L3MBTL2: variants seen among roughly 807,000 people sequenced by gnomAD.
L3MBTL2 encodes L3MBTL histone methyl-lysine binding protein 2.
In L3MBTL2, 49 loss-of-function variants were observed where a neutral mutation model predicts 86.4. That is an observed-to-expected ratio of 0.57 (90% CI 0.45 to 0.72). The LOEUF (loss-of-function observed/expected upper bound fraction) is 0.72. Among genes scored for constraint, L3MBTL2 ranks in the 30% least tolerant of loss-of-function variants. The pLI is 0.00. For synonymous variants in L3MBTL2, 336 were observed against 350.6 expected, an observed-to-expected ratio of 0.96 and a Z score of 0.47; for missense variants, 755 against 923.7, an observed-to-expected ratio of 0.82 and a Z score of 2.37.
intron 2 of L3MBTL2, among the ~76,000 whole-genome samples, chr22:41,211,296 G>T (rs2030759760): frequency 6.6e-6 from 1 of 152,088 alleles, no homozygotes; most frequent in South Asian, 2.1e-4. Context: ...GACCTCCTGG[G>T]CTCAGGCAAT....
At chr22:41,209,306 C>T (rs2030519222) in intron 1 of L3MBTL2, 1 of 170,572 alleles carries the variant, frequency 5.9e-6, no homozygotes, top group East Asian at 1.6e-4. Flanking sequence ...AGGGTTTCAC[C>T]CTCTTGGCCA....
chr22:41,206,372 T>C (rs182345328), intron 1 of L3MBTL2, among the ~76,000 whole-genome samples: 4 of 152,220 alleles, frequency 2.6e-5, no homozygotes, highest in African/African-American at 7.2e-5. Flanking sequence ...ATGCAGTGGT[T>C]ACTCACAGGC....
chr22:41,221,496 T>C lies in L3MBTL2; in HGVS notation c.942+209T>C. The C allele has an allele frequency of 1.0e-5, 6 of 575,432 alleles. No individual in the cohort carries two copies. In the South Asian group the frequency reaches 1.3e-4, roughly 12 times the overall value. The allele number at this position is 575,432 out of a possible 1,614,324, so 35.6% of individuals were successfully genotyped here. ...GCGTCGGCCACTGCCCCACCCAGACTCTGCTCCTACTGCTCCAGTCATGCT... is the reference window on the plus strand; with the variant it reads ...GCGTCGGCCACTGCCCCACCCAGACCCTGCTCCTACTGCTCCAGTCATGCT... On this transcript the variant is annotated intron_variant, in intron 8 of 16. Coordinates refer to ENST00000216237, the MANE Select transcript of L3MBTL2 (RefSeq NM_031488.5).
rs956459194 is a variant in L3MBTL2, at chr22:41,230,176, G to A, written c.2043G>A (p.Val681=). The change falls in exon 17 of 17, where the codon GTG becomes GTA. Residue 681 remains valine (V), a synonymous_variant. Coordinates refer to ENST00000216237, the MANE Select transcript of L3MBTL2 (RefSeq NM_031488.5). The stretch of plus-strand genomic sequence containing the variant: ...GTGTGAAGGAAGAGCATCTAGACGT[G>A]GCCTCGCCCGACAAGGCTTCAAGTC... ...AVRVKEEHLD[V]ASPDKASSPE... The A allele has an allele frequency of 6.2e-7, 1 of 1,602,996 alleles. No individual in the cohort carries two copies. Among genetic ancestry groups the A allele is most frequent in the Non-Finnish European group, 8.5e-7 (1 of 1,173,956 alleles).
At chr22:41,230,077 C>CCA in intron 16 of L3MBTL2, 62 bp from the exon 17 acceptor site, 2 of 789,790 alleles carry the variant, frequency 2.5e-6, no homozygotes, top group South Asian at 3.5e-5. Context: ...CCCAGCTCCT[C>CCA]CGCCCCCACC....
intron 2 of L3MBTL2, among the ~76,000 whole-genome samples, chr22:41,211,562 T>C (rs1349338080): frequency 5.1e-5 from 7 of 137,334 alleles, no homozygotes; most frequent in Admixed American, 3.6e-4. Context: ...ATTTCCTTTT[T>C]TTTTTTTTTT....
chr22:41,227,326 G>A lies in L3MBTL2; in HGVS notation c.1822+3G>A. ...GCTCCAGCCTCCTGTGGCCGCAGGTGTGGGCTCTCGTGGCCCTAAGAGGCT... is the reference window on the plus strand; with the variant it reads ...GCTCCAGCCTCCTGTGGCCGCAGGTATGGGCTCTCGTGGCCCTAAGAGGCT... On this transcript the variant is annotated splice_donor_region_variant and intron_variant, in intron 14 of 16. Transcript: ENST00000216237. The surrounding 1 kb of genome is among the most constrained non-coding windows in gnomAD (Gnocchi z 6.0). 6.3e-7 allele frequency: 1 copy of A among 1,586,266 alleles called. No homozygotes were observed. The highest frequency in any genetic ancestry group is 8.6e-7 in the Non-Finnish European group (1 of 1,166,218).
intron 3 of L3MBTL2, among the ~76,000 whole-genome samples, chr22:41,215,630 A>AAACATTCGCCTATGTGGAACCTCTCCCG (rs1569141310): frequency 2.6e-4 from 26 of 101,096 alleles, no homozygotes; most frequent in African/African-American, 1.2e-3. Flanking sequence ...GTCCTCTCCC[A>AAACATTCGCCTATGTGGAACCTCTCCCG]AACATTCGCC....
At chr22:41,228,287 T>TGAGGGTGGGA in intron 15 of L3MBTL2, 1 of 985,276 alleles carries the variant, frequency 1.0e-6, no homozygotes, top group Non-Finnish European at 1.2e-6. Flanking sequence ...GAGACCTCTT[T>TGAGGGTGGGA]GAGGGTGGGA....
At position 41,223,930 on chromosome 22, in the gene L3MBTL2, A is replaced by G. The variant is rs558654183; in HGVS notation, c.943-90A>G. On this transcript the variant is annotated intron_variant, in intron 8 of 16. Transcript: ENST00000216237. Reference sequence around the variant, plus strand: ...CTGACTGAGTGTGGGGGATAACACCACACCTTCCCTGTCCTCCACTCACCA... The same window carrying G: ...CTGACTGAGTGTGGGGGATAACACCGCACCTTCCCTGTCCTCCACTCACCA... 12 of 1,028,360 alleles carry G rather than the reference A, an allele frequency of 1.2e-5. No homozygotes were observed. In the South Asian group the frequency reaches 1.5e-4, roughly 13 times the overall value. 63.7% of individuals were successfully genotyped at this position (1,028,360 alleles called of 1,614,324 possible). A position where few individuals can be genotyped will look rare whatever the true frequency, so the allele number is the denominator to read the frequency against.
chr22:41,219,403 T>G lies in L3MBTL2; in HGVS notation c.601-16T>G. The stretch of plus-strand genomic sequence containing the variant: ...CAGTTAGCTCACTCTCTCGGTACAC[T>G]CTCATCGCCACACAGGTCCCACTCT... On this transcript the variant is annotated splice_polypyrimidine_tract_variant and intron_variant, in intron 5 of 16. Coordinates refer to ENST00000216237, the MANE Select transcript of L3MBTL2 (RefSeq NM_031488.5). 6.3e-7 allele frequency: 1 copy of G among 1,582,596 alleles called. No individual in the cohort carries two copies. The highest frequency in any genetic ancestry group is 8.7e-7 in the Non-Finnish European group (1 of 1,151,678).
In L3MBTL2 at chr22:41,214,041, C is replaced by T; in HGVS notation, c.396+15C>T. ...CTAGGTTACAGGTGAGAGGCAATCACTTGGATCCTTCCCGGTGCCTTTGGT... is the reference window on the plus strand; with the variant it reads ...CTAGGTTACAGGTGAGAGGCAATCATTTGGATCCTTCCCGGTGCCTTTGGT... On this transcript the variant is annotated intron_variant, in intron 3 of 16. Coordinates refer to ENST00000216237, the MANE Select transcript of L3MBTL2 (RefSeq NM_031488.5). 1 of 1,613,836 alleles carries T rather than the reference C, an allele frequency of 6.2e-7. No individual in the cohort carries two copies. The highest frequency in any genetic ancestry group is 1.3e-5 in the African/African-American group (1 of 75,048).
chr22:41,205,536 G>T, intron 1 of L3MBTL2, 150 bp downstream of exon 1: 1 of 956,564 alleles, frequency 1.0e-6, no homozygotes, highest in South Asian at 1.4e-5. Flanking sequence ...AGGGGCAGAG[G>T]CAATTGACGT....
intron 12 of L3MBTL2, 57 bp from the exon 13 acceptor site, chr22:41,226,605 C>T: frequency 8.0e-7 from 1 of 1,244,288 alleles, no homozygotes; most frequent in Non-Finnish European, 1.2e-6. Context: ...GTCCTTTCCT[C>T]CTGCCCACTT....
Position 41,224,239 on chromosome 22 carries a change from A to G in L3MBTL2, c.1162A>G (p.Ile388Val). The G allele has an allele frequency of 6.2e-7, 1 of 1,611,284 alleles. No homozygotes were observed. Among genetic ancestry groups the G allele is most frequent in the Non-Finnish European group, 8.5e-7 (1 of 1,177,822 alleles). ...TTGGTCACGACGTGTGGGCCACGGC[A>G]TCAAGATGTCAGGTTAGCAGAGCCC... ...VGWSRRVGHG[I>V]KMSERRSDMA... Residue 388 changes from isoleucine (I) to valine (V), a missense_variant, in exon 9 of 17, where the codon ATC (isoleucine) becomes GTC (valine). Ile to Val is a conservative substitution (Grantham distance 29). Transcript: ENST00000216237. This position sits in a 1 kb window ranked among gnomAD's most constrained non-coding sequence, Gnocchi z 4.9.
chr22:41,217,279 G>A lies in L3MBTL2; in HGVS notation c.600+77G>A, dbSNP rs548759692. ...GCTCCTCCACCTGCTTCACCAGGGC[G>A]GCTTCAGGCTGGACAGTGACAGTGG... On this transcript the variant is annotated intron_variant, in intron 5 of 16. Transcript: ENST00000216237. 50 of 1,146,788 alleles carry A rather than the reference G, an allele frequency of 4.4e-5. No individual in the cohort carries two copies. In the African/African-American group the frequency reaches 5.1e-4, roughly 12 times the overall value. 71.0% of individuals were successfully genotyped at this position (1,146,788 alleles called of 1,614,324 possible). A position where few individuals can be genotyped will look rare whatever the true frequency, so the allele number is the denominator to read the frequency against.
At chr22:41,230,089 C>CCCCCCCCCCCCTTTTT in intron 16 of L3MBTL2, 50 bp from the exon 17 acceptor site, 1 of 873,242 alleles carries the variant, frequency 1.1e-6, no homozygotes, top group Non-Finnish European at 1.8e-6. Flanking sequence ...GCCCCCACCC[C>CCCCCCCCCCCCTTTTT]TCCCAGAGTT....
rs1219916176 is a variant in L3MBTL2, at chr22:41,217,143, T to C, written c.541T>C (p.Trp181Arg). 3 of 1,613,958 alleles carry C rather than the reference T, an allele frequency of 1.9e-6. No individual in the cohort carries two copies. The highest frequency in any genetic ancestry group is 8.5e-7 in the Non-Finnish European group (1 of 1,179,974). The part of the protein sequence containing the change: ...GQDALVLGFD[W>R]GKFLKDHSYK... ...TGCAGCTCTGGTCTTGGGCTTCGAC[T>C]GGGGGAAGTTCCTGAAGGATCACAG... Residue 181 changes from tryptophan to arginine, a missense_variant, in exon 5 of 17, where the codon TGG becomes CGG. Coordinates refer to ENST00000216237, the MANE Select transcript of L3MBTL2 (RefSeq NM_031488.5).
At chr22:41,215,637 C>CGCCTATGTGGACCCTCTCCCGAACATTT (rs2031282929) in intron 3 of L3MBTL2, among the ~76,000 whole-genome samples, 1 of 152,014 alleles carries the variant, frequency 6.6e-6, no homozygotes, top group African/African-American at 2.4e-5. Context: ...CCCAAACATT[C>CGCCTATGTGGACCCTCTCCCGAACATTT]GCCTATGTGG....
Sources: allele counts gnomAD v4.1 joint callset (sites outside exome capture counted in the v4.1 genomes callset), GRCh38; gene constraint gnomAD v4.1.1; non-coding constraint Gnocchi (gnomAD v3.1); transcripts MANE v1.5; gene names NCBI Gene and HGNC (gene_info 2026-07-23, HGNC 2026-07-21).